KMT2A: variants seen among roughly 807,000 people sequenced by gnomAD.
The protein encoded by KMT2A is lysine methyltransferase 2A.
In KMT2A, 16 loss-of-function variants were observed where a neutral mutation model predicts 345.3. The ratio of observed to expected loss-of-function variants is 0.05; its 90% confidence interval spans 0.03 to 0.07. The LOEUF (loss-of-function observed/expected upper bound fraction) is 0.07, where lower values mean the gene tolerates loss of function less well. Ranked by LOEUF, KMT2A falls within the 10% of genes least tolerant of loss-of-function variation. KMT2A has a pLI of 1.00. For missense variants in KMT2A, 3,272 were observed against 4,841.6 expected, an observed-to-expected ratio of 0.68 and a Z score of 9.62; for synonymous variants, 1,599 against 1,778.6, an observed-to-expected ratio of 0.90 and a Z score of 2.54.
chr11:118,471,643 G>T lies in KMT2A; in HGVS notation c.503-19G>T, dbSNP rs781882727. ...CACAGCTAAATATATGCTCTTCATT[G>T]TTTAATTTCTATACACAGTTAAAAC... On this transcript the variant is annotated intron_variant, in intron 2 of 35. Transcript: ENST00000534358. The T allele has an allele frequency of 2.0e-6, 3 of 1,513,404 alleles. No individual in the cohort carries two copies. Among genetic ancestry groups the T allele is most frequent in the Non-Finnish European group, 1.8e-6 (2 of 1,123,986 alleles). The allele number at this position is 1,513,404 out of a possible 1,614,324, so 93.7% of individuals were successfully genotyped here.
intron 1 of KMT2A, among the ~76,000 whole-genome samples, chr11:118,438,829 A>G (rs895437295): frequency 6.6e-6 from 1 of 152,082 alleles, no homozygotes; most frequent in Non-Finnish European, 1.5e-5. Context: ...CAGAGCAAGG[A>G]GGACATGATG....
chr11:118,483,463 G>A (rs1950176644), intron 8 of KMT2A, among the ~76,000 whole-genome samples: 1 of 152,016 alleles, frequency 6.6e-6, no homozygotes, highest in African/African-American at 2.4e-5. Context: ...AACCCGGGGG[G>A]CGGAGCCTGC....
chr11:118,468,160 G>A (rs1312947651), intron 1 of KMT2A, among the ~76,000 whole-genome samples: 3 of 152,028 alleles, frequency 2.0e-5, no homozygotes, highest in Admixed American at 6.6e-5. Flanking sequence ...TTTCACAAAC[G>A]CTGCTGCCCA....
rs956060199 is a variant in KMT2A at position 118,495,869 on chromosome 11, C to A, written c.5533C>A (p.His1845Asn). 11 of 1,613,522 alleles carry A rather than the reference C, an allele frequency of 6.8e-6. No individual in the cohort carries two copies. The highest frequency in any genetic ancestry group is 8.5e-6 in the Non-Finnish European group (10 of 1,179,742). Residue 1845 changes from histidine to asparagine, a missense_variant, in exon 19 of 36, where the codon CAT becomes AAT. By Grantham distance (68) the His-to-Asn change is moderately conservative (BLOSUM62 1). Around this residue, in one of 27 missense-constraint regions of KMT2A, gnomAD observed 235 missense variants for 503.4 expected, o/e 0.47. Coordinates refer to ENST00000534358, the MANE Select transcript of KMT2A (RefSeq NM_001197104.2). This position sits in a 1 kb window ranked among gnomAD's most constrained non-coding sequence, Gnocchi z 4.1. ...PGEPDSPTPL[H>N]PPTPPILSTD... The stretch of plus-strand genomic sequence containing the variant: ...AGAACCAGACTCACCAACTCCTCTG[C>A]ATCCTCCTACACCACCAATTTTGAG...
At chr11:118,455,091 A>T (rs2134210302) in intron 1 of KMT2A, among the ~76,000 whole-genome samples, 1 of 152,294 alleles carries the variant, frequency 6.6e-6, no homozygotes, top group African/African-American at 2.4e-5. Context: ...GCAGTGGCTC[A>T]GTCAGTTCAC....
At position 118,520,005 on chromosome 11, in the gene KMT2A, G is replaced by A. The variant is rs1226741744; in HGVS notation, c.11370G>A (p.Gln3790=). Residue 3790 remains glutamine (Q), a synonymous_variant, in exon 33 of 36, where the codon CAG becomes CAA. Coordinates refer to ENST00000534358, the MANE Select transcript of KMT2A (RefSeq NM_001197104.2). The surrounding 1 kb of genome is among the most constrained non-coding windows in gnomAD (Gnocchi z 4.3). Reference sequence around the variant, plus strand: ...ACTTCCTGGCTTCTAAACATCGTCAGCCTCCTGAATACAACCCCAATGATG... The same window carrying A: ...ACTTCCTGGCTTCTAAACATCGTCAACCTCCTGAATACAACCCCAATGATG... ...MFNFLASKHR[Q]PPEYNPNDEE... is the part of the protein sequence containing the mutation. 1 of 1,614,028 alleles carries A rather than the reference G, an allele frequency of 6.2e-7. No homozygotes were observed. Among genetic ancestry groups the A allele is most frequent in the Non-Finnish European group, 8.5e-7 (1 of 1,180,016 alleles).
At position 118,472,622 on chromosome 11, in the gene KMT2A, C is replaced by T. The variant is rs1555035988; in HGVS notation, c.1463C>T (p.Thr488Ile). 2 of 1,612,392 alleles carry T rather than the reference C, an allele frequency of 1.2e-6. No individual in the cohort carries two copies. The highest frequency in any genetic ancestry group is 8.5e-7 in the Non-Finnish European group (1 of 1,179,778). ...AGTAGCCCCAGTGTTGATACCTCCACAGACTCTCAGGCTTCTGAGGAGATT... is the reference window on the plus strand; with the variant it reads ...AGTAGCCCCAGTGTTGATACCTCCATAGACTCTCAGGCTTCTGAGGAGATT... ...RSSSPSVDTSTDSQASEEIQV... is the reference protein window; with the variant it reads ...RSSSPSVDTSIDSQASEEIQV... Residue 488 changes from threonine to isoleucine, a missense_variant, in exon 3 of 36, where the codon ACA becomes ATA. Transcript: ENST00000534358.
At position 118,473,120 on chromosome 11, in the gene KMT2A, C is replaced by T. The variant is rs782450420; in HGVS notation, c.1961C>T (p.Pro654Leu). The T allele has an allele frequency of 2.7e-5, 43 of 1,614,058 alleles. No individual in the cohort carries two copies. Among genetic ancestry groups the T allele is most frequent in the South Asian group, 6.6e-5 (6 of 91,086 alleles). The change falls in exon 3 of 36, where the codon CCT becomes CTT. Residue 654 changes from proline to leucine, a missense_variant. Pro to Leu is a moderately conservative substitution (Grantham distance 98). Coordinates refer to ENST00000534358, the MANE Select transcript of KMT2A (RefSeq NM_001197104.2). This position sits in a 1 kb window ranked among gnomAD's most constrained non-coding sequence, Gnocchi z 5.2. ...CCAATATTTGATAATTTCCGACCCCCTCCACTAACTCCCGAGGACGTTGGC... is the reference window on the plus strand; with the variant it reads ...CCAATATTTGATAATTTCCGACCCCTTCCACTAACTCCCGAGGACGTTGGC... ...RKPIFDNFRPPPLTPEDVGFA... is the reference protein window; with the variant it reads ...RKPIFDNFRPLPLTPEDVGFA...
Position 118,510,232 on chromosome 11 carries a change from A to G in KMT2A, c.11071+114A>G. ...CTGTTTTATGCTAGATGGTAGGGGGATACCTGGAGGCATCATACATTTTCC... is the reference window on the plus strand; with the variant it reads ...CTGTTTTATGCTAGATGGTAGGGGGGTACCTGGAGGCATCATACATTTTCC... On this transcript the variant is annotated intron_variant, in intron 30 of 35. Coordinates refer to ENST00000534358, the MANE Select transcript of KMT2A (RefSeq NM_001197104.2). The surrounding 1 kb of genome is among the most constrained non-coding windows in gnomAD (Gnocchi z 4.1). 1.3e-6 allele frequency: 1 copy of G among 753,374 alleles called. No individual in the cohort carries two copies. Among genetic ancestry groups the G allele is most frequent in the Non-Finnish European group, 2.1e-6 (1 of 471,734 alleles). 46.7% of individuals were successfully genotyped at this position (753,374 alleles called of 1,614,324 possible). A position where few individuals can be genotyped will look rare whatever the true frequency, so the allele number is the denominator to read the frequency against.
intron 1 of KMT2A, among the ~76,000 whole-genome samples, chr11:118,445,745 A>G (rs1036442174): frequency 2.6e-4 from 40 of 152,216 alleles, no homozygotes; most frequent in African/African-American, 8.7e-4. Context: ...GCTCACGCCT[A>G]TAATCCCAGC....
chr11:118,469,125 A>C, intron 2 of KMT2A, among the ~76,000 whole-genome samples: 1 of 149,516 alleles, frequency 6.7e-6, no homozygotes, highest in Non-Finnish European at 1.5e-5. Flanking sequence ...ATATCTCCCA[A>C]TGCTATCCCT....
At chr11:118,509,064 A>G (rs2134425840) in intron 28 of KMT2A, 72 bp from the exon 29 acceptor site, 5 of 1,318,466 alleles carry the variant, frequency 3.8e-6, no homozygotes, top group Non-Finnish European at 5.4e-6. Context: ...ACAGCTGTAT[A>G]GAAAATTCTG....
At chr11:118,438,085 G>C (rs541497419) in intron 1 of KMT2A, among the ~76,000 whole-genome samples, 2 of 152,160 alleles carry the variant, frequency 1.3e-5, no homozygotes, top group African/African-American at 4.8e-5. Flanking sequence ...TGGAAGGGGT[G>C]GGGGAAGCCA....
Position 118,494,870 on chromosome 11 carries a change from A to G in KMT2A, c.5363+103A>G. 1.1e-6 allele frequency: 1 copy of G among 882,848 alleles called. No homozygotes were observed. Among genetic ancestry groups the G allele is most frequent in the East Asian group, 2.5e-5 (1 of 39,468 alleles). 54.7% of individuals were successfully genotyped at this position (882,848 alleles called of 1,614,324 possible). A position where few individuals can be genotyped will look rare whatever the true frequency, so the allele number is the denominator to read the frequency against. On this transcript the variant is annotated intron_variant, in intron 18 of 35. Transcript: ENST00000534358. This position sits in a 1 kb window ranked among gnomAD's most constrained non-coding sequence, Gnocchi z 5.8. ...TTTCCAAAAGGTTTTAATACTAGAAATGAATTGGTTGAAATGCCTTTTCGG... is the reference window on the plus strand; with the variant it reads ...TTTCCAAAAGGTTTTAATACTAGAAGTGAATTGGTTGAAATGCCTTTTCGG...
At chr11:118,441,943 A>G (rs915714688) in intron 1 of KMT2A, among the ~76,000 whole-genome samples, 1 of 152,160 alleles carries the variant, frequency 6.6e-6, no homozygotes, top group Non-Finnish European at 1.5e-5. Context: ...CAGACTCTAT[A>G]CCAATTGCCT....
At chr11:118,437,871 C>T (rs1949228443) in intron 1 of KMT2A, among the ~76,000 whole-genome samples, 1 of 152,156 alleles carries the variant, frequency 6.6e-6, no homozygotes, top group Admixed American at 6.5e-5. Context: ...GGCAGGCTTT[C>T]CCTCCAGCTC....
At chr11:118,446,213 G>T (rs943456624) in intron 1 of KMT2A, among the ~76,000 whole-genome samples, 2 of 151,480 alleles carry the variant, frequency 1.3e-5, no homozygotes, top group Non-Finnish European at 2.9e-5. Flanking sequence ...GCTACATGTC[G>T]TGGTGCACAC....
At position 118,522,143 on chromosome 11, in the gene KMT2A, G is replaced by A. The variant is rs781866935; in HGVS notation, c.11890G>A (p.Ala3964Thr). The change falls in exon 36 of 36, where the codon GCC (alanine) becomes ACC (threonine). Residue 3964 changes from alanine (A) to threonine (T), a missense_variant. Coordinates refer to ENST00000534358, the MANE Select transcript of KMT2A (RefSeq NM_001197104.2). The surrounding 1 kb of genome is among the most constrained non-coding windows in gnomAD (Gnocchi z 5.4). ...CAACAAGCTGCCCTGCAACTGTGGC[G>A]CCAAGAAATGCCGGAAGTTCCTAAA... Reference protein sequence around the residue: ...ASNKLPCNCGAKKCRKFLN With the variant: ...ASNKLPCNCGTKKCRKFLN 8.7e-6 allele frequency: 14 copies of A among 1,613,980 alleles called. No individual in the cohort carries two copies. Among genetic ancestry groups the A allele is most frequent in the Admixed American group, 5.0e-5 (3 of 60,004 alleles).
At chr11:118,509,024 G>C (rs1950637766) in intron 28 of KMT2A, 112 bp from the exon 29 acceptor site, 3 of 806,348 alleles carry the variant, frequency 3.7e-6, no homozygotes, top group Non-Finnish European at 6.1e-6. Context: ...GCCCCCTGTG[G>C]CTCATTTTCT....
Sources: allele counts gnomAD v4.1 joint callset (sites outside exome capture counted in the v4.1 genomes callset), GRCh38; gene constraint gnomAD v4.1.1; regional missense constraint gnomAD v4.1.1; non-coding constraint Gnocchi (gnomAD v3.1); transcripts MANE v1.5; gene names NCBI Gene and HGNC (gene_info 2026-07-23, HGNC 2026-07-21).